SLC44A5: variants seen among roughly 807,000 people sequenced by gnomAD.
SLC44A5 encodes solute carrier family 44 member 5.
A neutral mutation model predicts 101.8 loss-of-function variants in SLC44A5; 57 were observed. That is an observed-to-expected ratio of 0.56 (90% CI 0.45 to 0.70). SLC44A5 has a LOEUF of 0.70. SLC44A5 is among the 30% of genes least tolerant of loss of function. SLC44A5 has a pLI of 0.00. For synonymous variants in SLC44A5, 281 were observed against 290.9 expected (o/e 0.97, Z 0.35); for missense variants, 737 against 853.1 (o/e 0.86, Z 1.70).
the SLC44A5 span, among the ~76,000 whole-genome samples, chr1:75,617,512 G>C: frequency 5.2e-3 from 795 of 152,270 alleles, 8 homozygotes; most frequent in African/African-American, 0.018. Context: ...CAGCTCCTGA[G>C]ATATTAGTGA....
At chr1:75,477,422 T>G (rs1274846241) in intron 2 of SLC44A5, among the ~76,000 whole-genome samples, 5 of 152,088 alleles carry the variant, frequency 3.3e-5, no homozygotes, top group Non-Finnish European at 7.4e-5. Flanking sequence ...TTTGACGAGT[T>G]GAGAGAAGGC....
At position 75,299,781 on chromosome 1, in the gene SLC44A5, G is replaced by C. The variant is rs371810338; in HGVS notation, c.175+831C>G. On this transcript the variant is annotated intron_variant, in intron 5 of 23. Transcript: ENST00000370859. Reference sequence around the variant, plus strand: ...ATCCCAGCACTTTGGGAGGCCGAGGGGGGCAGATCATGAGGTCAGGAGATC... The same window carrying C: ...ATCCCAGCACTTTGGGAGGCCGAGGCGGGCAGATCATGAGGTCAGGAGATC... Among the ~76,000 whole-genome samples, 702 of 151,562 alleles carry C rather than the reference G, an allele frequency of 4.6e-3. 10 individuals are homozygous for C. In the South Asian group the frequency reaches 0.055, roughly 12 times the overall value.
At chr1:75,481,635 C>A (rs1667863281) in intron 2 of SLC44A5, among the ~76,000 whole-genome samples, 1 of 151,718 alleles carries the variant, frequency 6.6e-6, no homozygotes, top group African/African-American at 2.4e-5. Context: ...ATTTATGCAG[C>A]CAACAGACAC....
chr1:75,656,781 A>T, the SLC44A5 span, among the ~76,000 whole-genome samples: 6 of 152,220 alleles, frequency 3.9e-5, no homozygotes, highest in African/African-American at 1.4e-4. Flanking sequence ...TTCTAAAACA[A>T]CTAAAATACA....
At position 75,462,999 on chromosome 1, in the gene SLC44A5, C is replaced by T. The variant is rs569633866; in HGVS notation, c.14-66378G>A. ...TATTCAAAGGGAAAATGACAGAGAA[C>T]TTCCCAAACCTGGAGAAAGATATCA... is the stretch of plus-strand genomic sequence containing the variant. On this transcript the variant is annotated intron_variant, in intron 2 of 23. Coordinates refer to ENST00000370859, the MANE Select transcript of SLC44A5 (RefSeq NM_001130058.2). Among the ~76,000 whole-genome samples, 192 of 152,208 alleles carry T rather than the reference C, an allele frequency of 1.3e-3. 1 individual carries two copies. The highest frequency in any genetic ancestry group is 2.2e-3 in the Non-Finnish European group (147 of 68,016).
At chr1:75,310,893 ATTG>A (rs1428164242) in intron 4 of SLC44A5, among the ~76,000 whole-genome samples, 1 of 152,084 alleles carries the variant, frequency 6.6e-6, no homozygotes, top group Non-Finnish European at 1.5e-5. Flanking sequence ...CTTATATTCA[ATTG>A]TTTATATAAT....
At chr1:75,576,524 T>C (rs1291417229) in intron 1 of SLC44A5, among the ~76,000 whole-genome samples, 1 of 152,188 alleles carries the variant, frequency 6.6e-6, no homozygotes, top group Non-Finnish European at 1.5e-5. Context: ...TTCACCGTGT[T>C]AGCCAGGATG....
At chr1:75,293,157 C>T (rs632068) in intron 5 of SLC44A5, among the ~76,000 whole-genome samples, 126,636 of 152,262 alleles carry the variant, frequency 0.83, 52,938 homozygotes, top group East Asian at 0.97. Context: ...CAAAGATTGG[C>T]AAGAGATGGT....
chr1:75,520,636 A>G (rs1047357525), intron 2 of SLC44A5, among the ~76,000 whole-genome samples: 1 of 152,170 alleles, frequency 6.6e-6, no homozygotes, highest in African/African-American at 2.4e-5. Flanking sequence ...TCAACTGGGA[A>G]TGATAAACTA....
At chr1:75,659,490 A>AAGGAAGGC in the SLC44A5 span, among the ~76,000 whole-genome samples, 81 of 42,268 alleles carry the variant, frequency 1.9e-3, 1 homozygote, top group African/African-American at 4.1e-3. Context: ...GGAAGGAAGG[A>AAGGAAGGC]AGGCAGGCAG....
chr1:75,349,349 A>T (rs1379809163), intron 3 of SLC44A5, among the ~76,000 whole-genome samples: 1 of 151,502 alleles, frequency 6.6e-6, no homozygotes. Context: ...AAAAACAAAC[A>T]AAAAAAAAGT....
intron 2 of SLC44A5, among the ~76,000 whole-genome samples, chr1:75,503,239 A>G (rs1206492495): frequency 6.6e-6 from 1 of 152,080 alleles, no homozygotes. Context: ...ATAGTTGTGG[A>G]GTCACTATCT....
chr1:75,723,943 A>AT, the SLC44A5 span: 1 of 152,174 alleles, frequency 6.6e-6, no homozygotes, highest in Non-Finnish European at 1.5e-5. Context: ...ATAAGCTACC[A>AT]TCTCAAAACT....
intron 3 of SLC44A5, among the ~76,000 whole-genome samples, chr1:75,373,810 G>A (rs1292902067): frequency 6.6e-6 from 1 of 152,098 alleles, no homozygotes; most frequent in Non-Finnish European, 1.5e-5. Flanking sequence ...AGCACAGCTG[G>A]CACTCAACCC....
At chr1:75,388,934 G>T (rs968464270) in intron 3 of SLC44A5, among the ~76,000 whole-genome samples, 1 of 152,064 alleles carries the variant, frequency 6.6e-6, no homozygotes, top group African/African-American at 2.4e-5. Context: ...CATATCATGT[G>T]TAACAACACC....
chr1:75,354,379 G>A (rs922467189), intron 3 of SLC44A5, among the ~76,000 whole-genome samples: 1 of 152,246 alleles, frequency 6.6e-6, no homozygotes, highest in Admixed American at 6.5e-5. Flanking sequence ...GAGAGAAGCT[G>A]AGGCAGGGCT....
At chr1:75,413,678 T>C (rs928779417) in intron 2 of SLC44A5, among the ~76,000 whole-genome samples, 1 of 152,226 alleles carries the variant, frequency 6.6e-6, no homozygotes, top group Admixed American at 6.5e-5. Flanking sequence ...ACTCTCTGCA[T>C]GTCCTGAACT....
chr1:75,587,582 AGTT>A (rs1427260046), intron 1 of SLC44A5, among the ~76,000 whole-genome samples: 20 of 152,306 alleles, frequency 1.3e-4, no homozygotes, highest in Non-Finnish European at 2.9e-4. Context: ...CCTTTCCTCC[AGTT>A]GTTGTTTTGG....
At chr1:75,644,405 T>C in the SLC44A5 span, among the ~76,000 whole-genome samples, 2 of 151,968 alleles carry the variant, frequency 1.3e-5, no homozygotes, top group Non-Finnish European at 2.9e-5. Flanking sequence ...ATAAGTATAG[T>C]TTCAGTGCCT....
Sources: allele counts gnomAD v4.1 joint callset (sites outside exome capture counted in the v4.1 genomes callset), GRCh38; gene constraint gnomAD v4.1.1; transcripts MANE v1.5; gene names NCBI Gene and HGNC (gene_info 2026-07-23, HGNC 2026-07-21).